The following EIF2B1 variants were observed in gnomAD, a reference collection of about 807,000 sequenced individuals.
The protein encoded by EIF2B1 is eukaryotic translation initiation factor 2B subunit alpha, also known as translation initiation factor eIF2B subunit alpha.
In EIF2B1, 30 loss-of-function variants were observed where a neutral mutation model predicts 36.8. That is an observed-to-expected ratio of 0.81 (90% CI 0.61 to 1.10). The LOEUF (loss-of-function observed/expected upper bound fraction) is 1.10, where lower values mean the gene tolerates loss of function less well. Among genes scored for constraint, EIF2B1 ranks in the 50% least tolerant of loss-of-function variants. The pLI is 0.00. For missense variants in EIF2B1, 271 were observed against 374.8 expected (o/e 0.72, Z 2.29); for synonymous variants, 139 against 142.2 (o/e 0.98, Z 0.16).
chr12:123,628,754 G>A (rs764333428), intron 4 of EIF2B1, among the ~76,000 whole-genome samples: 10 of 152,130 alleles, frequency 6.6e-5, no homozygotes, highest in Non-Finnish European at 1.5e-4. Flanking sequence ...GGTCTCACCT[G>A]AGAACCCGTT....
At chr12:123,623,163 C>T (rs988350218) in intron 7 of EIF2B1, among the ~76,000 whole-genome samples, 6 of 152,066 alleles carry the variant, frequency 3.9e-5, no homozygotes, top group East Asian at 1.9e-4. Flanking sequence ...GGTGGATCAC[C>T]TGAGGTCAGG....
Position 123,630,311 on chromosome 12 carries a change from G to C in EIF2B1, c.253-26C>G. The C allele has an allele frequency of 6.2e-7, 1 of 1,613,886 alleles. No homozygotes were observed. Among genetic ancestry groups the C allele is most frequent in the South Asian group, 1.1e-5 (1 of 91,078 alleles). ...CTAGGAAGAAAAGAGCAAACTGAGG[G>C]GACAGGGAAGATCCAGTTAATGCTG... On this transcript the variant is annotated intron_variant, in intron 3 of 8. Coordinates refer to ENST00000424014, the MANE Select transcript of EIF2B1 (RefSeq NM_001414.4). This position sits in a 1 kb window ranked among gnomAD's most constrained non-coding sequence, Gnocchi z 4.6.
chr12:123,633,459 C>G (rs1162034861), intron 1 of EIF2B1, 86 bp downstream of exon 1: 2 of 1,581,564 alleles, frequency 1.3e-6, no homozygotes, highest in African/African-American at 1.3e-5. Context: ...GAAATCTCTT[C>G]GGGAGCTCAG....
At chr12:123,626,516 G>A (rs1159045745) in intron 5 of EIF2B1, 23 bp from the exon 6 acceptor site, 12 of 1,613,352 alleles carry the variant, frequency 7.4e-6, no homozygotes, top group African/African-American at 5.3e-5. Context: ...TTTTGAGAAC[G>A]TTAGAGAAAG....
Position 123,630,228 on chromosome 12 carries a change from T to C in EIF2B1, c.310A>G (p.Ile104Val). 1 of 1,614,142 alleles carries C rather than the reference T, an allele frequency of 6.2e-7. No individual in the cohort carries two copies. The highest frequency in any genetic ancestry group is 1.7e-5 in the Admixed American group (1 of 60,026). Residue 104 changes from isoleucine to valine, a missense_variant, in exon 4 of 9, where the codon ATA (isoleucine) becomes GTA (valine). Ile to Val is a conservative substitution (Grantham distance 29, BLOSUM62 3). Coordinates refer to ENST00000424014, the MANE Select transcript of EIF2B1 (RefSeq NM_001414.4). This position sits in a 1 kb window ranked among gnomAD's most constrained non-coding sequence, Gnocchi z 4.6. ...GCAATTTTGTTTCTTGACAGTGATA[T>C]TCTCCTGAGAAAAAGTTCTCCCCGC... is the stretch of plus-strand genomic sequence containing the variant. The part of the protein sequence containing the change: ...IERGELFLRR[I>V]SLSRNKIADL...
intron 1 of EIF2B1, 100 bp from the exon 2 acceptor site, chr12:123,632,546 A>C (rs1955203516): frequency 1.2e-6 from 1 of 838,026 alleles, no homozygotes; most frequent in Non-Finnish European, 2.0e-6. Context: ...AAACAATTTA[A>C]AAAATACTTT....
rs929916738 is a variant in EIF2B1 at position 123,633,609 on chromosome 12, C to G, written c.-52G>C. The G allele has an allele frequency of 1.2e-6, 2 of 1,601,368 alleles. No individual in the cohort carries two copies. The highest frequency in any genetic ancestry group is 1.7e-6 in the Non-Finnish European group (2 of 1,179,370). On this transcript the variant is annotated 5_prime_UTR_variant, in exon 1 of 9. Coordinates refer to ENST00000424014, the MANE Select transcript of EIF2B1 (RefSeq NM_001414.4). ...GGGACCCGAGCCGCCCGCGCTGTCT[C>G]GAACGGGTCCGCCGGCCGCGCCGCC...
chr12:123,632,285 A>G (rs1026206946), intron 2 of EIF2B1, 60 bp downstream of exon 2: 86 of 969,488 alleles, frequency 8.9e-5, no homozygotes, highest in South Asian at 2.8e-4. Context: ...AAAAAAAAAA[A>G]GAAAAGAAAA....
rs1374088515 is a variant in EIF2B1, at chr12:123,621,421, G to A, written c.*335C>T. The A allele has an allele frequency of 2.7e-6, 1 of 375,850 alleles. No individual in the cohort carries two copies. Among genetic ancestry groups the A allele is most frequent in the African/African-American group, 2.1e-5 (1 of 47,488 alleles). 23.3% of individuals were successfully genotyped at this position (375,850 alleles called of 1,614,324 possible). On this transcript the variant is annotated 3_prime_UTR_variant, in exon 9 of 9. Transcript: ENST00000424014. Reference sequence around the variant, plus strand: ...CATCTCGCGTGCTTTAGGCAGATCAGTCTGGAGTGCAGGGGAGGATGAAGA... The same window carrying A: ...CATCTCGCGTGCTTTAGGCAGATCAATCTGGAGTGCAGGGGAGGATGAAGA...
rs569747619 is a variant in EIF2B1 at position 123,631,187 on chromosome 12, A to G, written c.116-654T>C. Among the ~76,000 whole-genome samples, 6 of 152,344 alleles carry G rather than the reference A, an allele frequency of 3.9e-5. No homozygotes were observed. The South Asian group carries it at 1.2e-3, about 32-fold the overall frequency. ...TACTGAAATTTACGCATCATGGTTAACACAATATAACATAGTCACTCTCGA... is the reference window on the plus strand; with the variant it reads ...TACTGAAATTTACGCATCATGGTTAGCACAATATAACATAGTCACTCTCGA... On this transcript the variant is annotated intron_variant, in intron 2 of 8. Transcript: ENST00000424014.
Position 123,627,142 on chromosome 12 carries a change from G to A in EIF2B1, c.384C>T (p.His128=), listed in dbSNP as rs146748240. 81 of 1,614,016 alleles carry A rather than the reference G, an allele frequency of 5.0e-5. No homozygotes were observed. The highest frequency in any genetic ancestry group is 1.7e-4 in the Middle Eastern group (1 of 5,972). ...FIKDGATILT[H]AYSRVVLRVL... is the part of the protein sequence containing the mutation. The stretch of plus-strand genomic sequence containing the variant: ...CTCTCAGGACCACTCTGGAGTAGGC[G>A]TGAGTCAATATTGTCTGTGGACCGA... The change falls in exon 5 of 9, where the codon CAC becomes CAT. Residue 128 remains histidine, a synonymous_variant. Coordinates refer to ENST00000424014, the MANE Select transcript of EIF2B1 (RefSeq NM_001414.4).
At chr12:123,632,936 A>C in intron 1 of EIF2B1, among the ~76,000 whole-genome samples, 1 of 120,420 alleles carries the variant, frequency 8.3e-6, no homozygotes. Flanking sequence ...ACAGAGCGAG[A>C]CTCCGTCTCA....
chr12:123,632,251 G>C, intron 2 of EIF2B1, 94 bp downstream of exon 2: 1 of 878,668 alleles, frequency 1.1e-6, no homozygotes, highest in Non-Finnish European at 1.8e-6. Context: ...CTGGGTGACA[G>C]AGTGAGGCTC....
Position 123,630,398 on chromosome 12 carries a change from G to C in EIF2B1, c.251C>G (p.Ser84Cys), listed in dbSNP as rs1354261346. The C allele has an allele frequency of 6.2e-7, 1 of 1,614,172 alleles. No individual in the cohort carries two copies. The highest frequency in any genetic ancestry group is 2.2e-5 in the East Asian group (1 of 44,876). ...RFISLASLEY[S>C]DYSKCKKIMI... ...ACCCCAGGGAGAACAGGCACTTACG[G>C]AGTATTCCAGGGAGGCAAGACTGAT... Residue 84 changes from serine to cysteine, a missense_variant and splice_region_variant, in exon 3 of 9, where the codon TCC (serine) becomes TGC (cysteine). Ser to Cys is a moderately radical substitution (Grantham distance 112, BLOSUM62 -1). Coordinates refer to ENST00000424014, the MANE Select transcript of EIF2B1 (RefSeq NM_001414.4). This position sits in a 1 kb window ranked among gnomAD's most constrained non-coding sequence, Gnocchi z 4.6.
At chr12:123,631,444 G>A (rs762539743) in intron 2 of EIF2B1, among the ~76,000 whole-genome samples, 6 of 152,070 alleles carry the variant, frequency 3.9e-5, no homozygotes, top group East Asian at 3.9e-4. Flanking sequence ...AGGGCGAGGC[G>A]GACGGATCAC....
Position 123,633,641 on chromosome 12 carries a change from C to G in EIF2B1, c.-84G>C. 1 of 1,588,580 alleles carries G rather than the reference C, an allele frequency of 6.3e-7. No individual in the cohort carries two copies. The highest frequency in any genetic ancestry group is 8.5e-7 in the Non-Finnish European group (1 of 1,169,832). ...GTCCGCCGGCCGCGCCGCCTGCGAG[C>G]CAGTCTGACAGCGCGCTGCACACCT... On this transcript the variant is annotated 5_prime_UTR_variant, in exon 1 of 9. Transcript: ENST00000424014.
At chr12:123,623,478 C>A (rs774722233) in intron 7 of EIF2B1, among the ~76,000 whole-genome samples, 10 of 152,098 alleles carry the variant, frequency 6.6e-5, no homozygotes, top group Non-Finnish European at 1.3e-4. Context: ...TAAAGTAGTG[C>A]AGCTGCTGTG....
In EIF2B1 at chr12:123,632,332, ACT is replaced by A. The variant is rs774291497; in HGVS notation, c.115+11_115+12del. On this transcript the variant is annotated intron_variant, in intron 2 of 8. Transcript: ENST00000424014. ...CTAAGTCCCAGAGTGTTAACAGATGACTCTCTATATACCTTTATCTCTCTTCA... is the reference window on the plus strand; with the variant it reads ...CTAAGTCCCAGAGTGTTAACAGATGACTCTATATACCTTTATCTCTCTTCA... 59 of 1,545,530 alleles carry A rather than the reference ACT, an allele frequency of 3.8e-5. No homozygotes were observed. In the East Asian group the frequency reaches 1.3e-3, roughly 34 times the overall value.
At position 123,630,622 on chromosome 12, in the gene EIF2B1, T is replaced by A; in HGVS notation, c.116-89A>T. ...AATTCATTCATTCATTCAGTGAATA[T>A]TTACTAGGTACATACTATATACCAG... On this transcript the variant is annotated intron_variant, in intron 2 of 8. Coordinates refer to ENST00000424014, the MANE Select transcript of EIF2B1 (RefSeq NM_001414.4). The surrounding 1 kb of genome is among the most constrained non-coding windows in gnomAD (Gnocchi z 4.6). The A allele has an allele frequency of 6.5e-7, 1 of 1,539,428 alleles. No individual in the cohort carries two copies. Among genetic ancestry groups the A allele is most frequent in the Non-Finnish European group, 8.9e-7 (1 of 1,126,554 alleles).
Sources: allele counts gnomAD v4.1 joint callset (sites outside exome capture counted in the v4.1 genomes callset), GRCh38; gene constraint gnomAD v4.1.1; non-coding constraint Gnocchi (gnomAD v3.1); transcripts MANE v1.5; gene names NCBI Gene and HGNC (gene_info 2026-07-23, HGNC 2026-07-21).